The following COMMD10 variants were observed in gnomAD, a reference collection of about 807,000 sequenced individuals.
The protein encoded by COMMD10 is COMM domain containing 10.
COMMD10 carries 33 observed loss-of-function variants against 28.9 expected under a neutral mutation model. The observed-to-expected ratio is 1.14, with a 90% CI of 0.87 to 1.53. The LOEUF (loss-of-function observed/expected upper bound fraction) is 1.53. Ranked by LOEUF, COMMD10 falls within the 40% of genes most tolerant of loss-of-function variation. The probability of loss-of-function intolerance (pLI) is 0.00; values close to 1 mark genes in which losing one functional copy is unlikely to be tolerated. For missense variants in COMMD10, 310 were observed against 233.4 expected (o/e 1.33, Z -2.14); for synonymous variants, 110 against 81.7 (o/e 1.35, Z -1.87).
intron 5 of COMMD10, among the ~76,000 whole-genome samples, chr5:116,202,218 A>G (rs1359154754): frequency 6.6e-6 from 1 of 151,932 alleles, no homozygotes; most frequent in Non-Finnish European, 1.5e-5. Flanking sequence ...ACATGAACTC[A>G]TCATTTTTAT....
chr5:116,115,932 G>A (rs181648056), intron 4 of COMMD10, among the ~76,000 whole-genome samples: 1 of 152,110 alleles, frequency 6.6e-6, no homozygotes, highest in Non-Finnish European at 1.5e-5. Flanking sequence ...ATGCACTTAT[G>A]GTTTTGTCAG....
chr5:116,189,995 A>G (rs958524282), intron 5 of COMMD10, among the ~76,000 whole-genome samples: 1 of 152,140 alleles, frequency 6.6e-6, no homozygotes, highest in African/African-American at 2.4e-5. Context: ...GGCTACCTCC[A>G]CCAATTCAGA....
chr5:116,134,349 C>A (rs1282848646), intron 5 of COMMD10, among the ~76,000 whole-genome samples, 171 bp downstream of exon 5: 3 of 152,046 alleles, frequency 2.0e-5, no homozygotes, highest in Non-Finnish European at 4.4e-5. Flanking sequence ...AGGTGCCTTT[C>A]TTACAAAAAC....
intron 5 of COMMD10, among the ~76,000 whole-genome samples, chr5:116,274,789 A>G (rs1408686519): frequency 6.6e-6 from 1 of 151,682 alleles, no homozygotes; most frequent in Non-Finnish European, 1.5e-5. Flanking sequence ...TCTCTTAATT[A>G]TTGGTGTGCC....
intron 5 of COMMD10, among the ~76,000 whole-genome samples, chr5:116,138,867 T>G (rs1331589294): frequency 6.6e-6 from 1 of 151,728 alleles, no homozygotes; most frequent in Non-Finnish European, 1.5e-5. Flanking sequence ...TTTTTTAAAG[T>G]GTTTACTCTG....
chr5:116,192,216 C>T (rs1748388712), intron 5 of COMMD10, among the ~76,000 whole-genome samples: 1 of 151,534 alleles, frequency 6.6e-6, no homozygotes, highest in African/African-American at 2.4e-5. Flanking sequence ...TGAGAAGGAA[C>T]CAAAAAACCA....
In COMMD10 at chr5:116,132,379, A is replaced by G. The variant is rs375123541; in HGVS notation, c.400-1689A>G. 2.9e-3 allele frequency among the ~76,000 whole-genome samples: 445 copies of G among 152,270 alleles called. 3 individuals are homozygous for G. Among genetic ancestry groups the G allele is most frequent in the African/African-American group, 0.01 (428 of 41,576 alleles). ...AAGATTGTGGCTTAGCCACGGTCAC[A>G]TAGCTGGTGATAGTTTAAGCATGAA... On this transcript the variant is annotated intron_variant, in intron 4 of 6. Transcript: ENST00000274458.
At chr5:116,256,467 C>T (rs574512483) in intron 5 of COMMD10, among the ~76,000 whole-genome samples, 17 of 151,676 alleles carry the variant, frequency 1.1e-4, no homozygotes, top group Admixed American at 5.9e-4. Context: ...TTTGCATGTA[C>T]GTGACAGTTA....
At chr5:116,269,332 A>C (rs1750693318) in intron 5 of COMMD10, among the ~76,000 whole-genome samples, 1 of 151,836 alleles carries the variant, frequency 6.6e-6, no homozygotes, top group African/African-American at 2.4e-5. Context: ...CACTTGGAGA[A>C]ATTTTGGGCC....
intron 5 of COMMD10, among the ~76,000 whole-genome samples, chr5:116,156,215 C>T (rs569724099): frequency 3.9e-5 from 6 of 152,174 alleles, no homozygotes; most frequent in African/African-American, 1.4e-4. Flanking sequence ...AGGTGAAGGA[C>T]CAGTGGTGGC....
At chr5:116,276,345 C>T (rs1750912544) in intron 5 of COMMD10, among the ~76,000 whole-genome samples, 4 of 151,634 alleles carry the variant, frequency 2.6e-5, no homozygotes. Flanking sequence ...CTCCACCTCC[C>T]AGGTTCAAGC....
chr5:116,144,412 T>G lies in COMMD10; in HGVS notation c.510+10234T>G, dbSNP rs148282549. Among the ~76,000 whole-genome samples the G allele has an allele frequency of 4.8e-3, 725 of 151,934 alleles. 5 individuals are homozygous for G. The highest frequency in any genetic ancestry group is 0.015 in the African/African-American group (615 of 41,494). ...TAGGTGCTAGTATTTTCCTATTAACTAGATGAAGAAACCCAGACTCAGTGG... is the reference window on the plus strand; with the variant it reads ...TAGGTGCTAGTATTTTCCTATTAACGAGATGAAGAAACCCAGACTCAGTGG... On this transcript the variant is annotated intron_variant, in intron 5 of 6. Transcript: ENST00000274458.
chr5:116,130,529 G>C (rs1421545782), intron 4 of COMMD10, among the ~76,000 whole-genome samples: 1 of 151,924 alleles, frequency 6.6e-6, no homozygotes, highest in East Asian at 1.9e-4. Flanking sequence ...AAGTTATTTA[G>C]TCCTCTACTT....
chr5:116,143,764 T>C (rs1752262204), intron 5 of COMMD10, among the ~76,000 whole-genome samples: 1 of 151,916 alleles, frequency 6.6e-6, no homozygotes, highest in South Asian at 2.1e-4. Context: ...GCACTAACTT[T>C]TTAAACATCT....
intron 5 of COMMD10, among the ~76,000 whole-genome samples, chr5:116,288,818 C>T (rs1278526920): frequency 1.4e-5 from 2 of 145,578 alleles, no homozygotes; most frequent in Non-Finnish European, 3.0e-5. Context: ...TTGATGTTCT[C>T]GTTTTGTTCA....
chr5:116,233,901 AAATC>A (rs1185362176), intron 5 of COMMD10, among the ~76,000 whole-genome samples: 1 of 152,184 alleles, frequency 6.6e-6, no homozygotes, highest in Non-Finnish European at 1.5e-5. Context: ...TTTGCATAGA[AAATC>A]AAACCTCAAA....
intron 5 of COMMD10, among the ~76,000 whole-genome samples, chr5:116,261,999 A>C (rs1750460213): frequency 6.6e-6 from 1 of 151,634 alleles, no homozygotes; most frequent in African/African-American, 2.4e-5. Flanking sequence ...ATCCTTAGAG[A>C]TCTAAGTTTG....
chr5:116,172,338 C>CGG (rs1753362748), intron 5 of COMMD10, among the ~76,000 whole-genome samples: 2 of 152,008 alleles, frequency 1.3e-5, no homozygotes, highest in African/African-American at 4.8e-5. Context: ...AGTACTCAGA[C>CGG]AGAGGGAGCG....
chr5:116,168,121 A>G (rs1331274056), intron 5 of COMMD10, among the ~76,000 whole-genome samples: 1 of 150,822 alleles, frequency 6.6e-6, no homozygotes, highest in Non-Finnish European at 1.5e-5. Context: ...GGCTCAAAAC[A>G]AATGGATGGA....
Sources: gnomAD v4.1 joint callset for allele counts (sites outside exome capture counted in the v4.1 genomes callset) on GRCh38, gnomAD v4.1.1 for gene constraint, MANE v1.5 for transcripts, NCBI Gene and HGNC (gene_info 2026-07-23, HGNC 2026-07-21) for gene names.